PCDHGB1: variants seen among roughly 807,000 people sequenced by gnomAD.
The protein encoded by PCDHGB1 is protocadherin gamma-B1.
PCDHGB1 carries 34 observed loss-of-function variants against 56.6 expected under a neutral mutation model. The ratio of observed to expected loss-of-function variants is 0.60; its 90% CI spans 0.46 to 0.80. The LOEUF is 0.80. PCDHGB1 is among the 30% of genes least tolerant of loss of function. The probability of loss-of-function intolerance (pLI) is 0.00; values close to 1 mark genes in which losing one functional copy is unlikely to be tolerated. For missense variants in PCDHGB1, 1,278 were observed against 1,204.6 expected (o/e 1.06, Z -0.90); for synonymous variants, 561 against 505.9 (o/e 1.11, Z -1.46).
chr5:141,497,540 C>CA (rs1491509812), intron 2 of PCDHGB1, among the ~76,000 whole-genome samples: 7 of 134,922 alleles, frequency 5.2e-5, no homozygotes, highest in Admixed American at 1.5e-4. Flanking sequence ...TGCAACAAAC[C>CA]TTTTTTTTTT....
At chr5:141,393,952 G>C in intron 1 of PCDHGB1, 4 of 1,613,916 alleles carry the variant, frequency 2.5e-6, no homozygotes, top group Non-Finnish European at 3.4e-6. Context: ...GGAAAGAATG[G>C]TCAAGTTGTC....
At chr5:141,401,626 C>G (rs1476531463) in intron 1 of PCDHGB1, among the ~76,000 whole-genome samples, 1 of 152,174 alleles carries the variant, frequency 6.6e-6, no homozygotes, top group Non-Finnish European at 1.5e-5. Flanking sequence ...TTTGTCTTAT[C>G]GTTTGGAGCT....
chr5:141,371,485 C>T, intron 1 of PCDHGB1: 1 of 1,613,980 alleles, frequency 6.2e-7, no homozygotes, highest in South Asian at 1.1e-5. Context: ...GAGCTGGGGA[C>T]TGCCGTTGCC....
At chr5:141,399,670 GCCTTTGACTACGAGCAGCTGCGCA>G (rs758329241) in intron 1 of PCDHGB1, 2 of 1,613,610 alleles carry the variant, frequency 1.2e-6, no homozygotes, top group East Asian at 4.5e-5. Context: ...CGCGCAGCGC[GCCTTTGACTACGAGCAGCTGCGCA>G]CCTTCGAACT....
chr5:141,382,128 C>T (rs1777984217), intron 1 of PCDHGB1, among the ~76,000 whole-genome samples: 3 of 152,026 alleles, frequency 2.0e-5, no homozygotes. Context: ...GCACCTGGCC[C>T]CCCCTCTCAT....
chr5:141,366,765 T>C (rs373961637), intron 1 of PCDHGB1: 83 of 1,604,590 alleles, frequency 5.2e-5, no homozygotes, highest in Non-Finnish European at 6.9e-5. Flanking sequence ...AGTTTTCTCT[T>C]TCGGTAAGGA....
At position 141,489,786 on chromosome 5, in the gene PCDHGB1, G is replaced by A. The variant is rs758119518; in HGVS notation, c.2410-5021G>A. 8.7e-6 allele frequency: 14 copies of A among 1,614,194 alleles called. No individual in the cohort carries two copies. Among genetic ancestry groups the A allele is most frequent in the Non-Finnish European group, 1.2e-5 (14 of 1,180,014 alleles). ...CCAACAGCCACTTCTCTCTGAATGTGAAGACCCTAAAAGATGGGAAGCCAT... is the reference window on the plus strand; with the variant it reads ...CCAACAGCCACTTCTCTCTGAATGTAAAGACCCTAAAAGATGGGAAGCCAT... On this transcript the variant is annotated intron_variant, in intron 1 of 3. Transcript: ENST00000523390. This position sits in a 1 kb window ranked among gnomAD's most constrained non-coding sequence, Gnocchi z 4.5.
intron 1 of PCDHGB1, among the ~76,000 whole-genome samples, chr5:141,429,369 G>A (rs1368624471): frequency 6.7e-6 from 1 of 148,994 alleles, no homozygotes; most frequent in Non-Finnish European, 1.5e-5. Context: ...AGAAAATGGA[G>A]AAAATGTGTT....
At position 141,402,884 on chromosome 5, in the gene PCDHGB1, T is replaced by C. The variant is rs73792196; in HGVS notation, c.2409+50215T>C. Reference sequence around the variant, plus strand: ...GAAAAGATCACCATACTTTGCAGGGTGGAAGAAAGAACCTGATGAAGCAGC... The same window carrying C: ...GAAAAGATCACCATACTTTGCAGGGCGGAAGAAAGAACCTGATGAAGCAGC... On this transcript the variant is annotated intron_variant, in intron 1 of 3. Transcript: ENST00000523390. The C allele has an allele frequency of 1.4e-3, 2,074 of 1,481,580 alleles. 26 individuals carry two copies. The African/African-American group carries it at 0.026, about 18-fold the overall frequency. The allele number at this position is 1,481,580 out of a possible 1,614,324, so 91.8% of individuals were successfully genotyped here.
intron 1 of PCDHGB1, chr5:141,415,955 G>A: frequency 8.5e-6 from 4 of 472,662 alleles, no homozygotes; most frequent in Non-Finnish European, 1.3e-5. Context: ...GTCACATATT[G>A]AAACTCCAGC....
At chr5:141,404,707 C>G in intron 1 of PCDHGB1, 1 of 1,614,122 alleles carries the variant, frequency 6.2e-7, no homozygotes, top group Non-Finnish European at 8.5e-7. Context: ...CAGAGCCTGG[C>G]TACCTGGTGA....
rs925541311 is a variant in PCDHGB1 at position 141,431,452 on chromosome 5, G to C, written c.2410-63355G>C. 11 of 1,613,630 alleles carry C rather than the reference G, an allele frequency of 6.8e-6. No individual in the cohort carries two copies. The highest frequency in any genetic ancestry group is 9.3e-6 in the Non-Finnish European group (11 of 1,179,982). On this transcript the variant is annotated intron_variant, in intron 1 of 3. Transcript: ENST00000523390. The surrounding 1 kb of genome is among the most constrained non-coding windows in gnomAD (Gnocchi z 4.8). ...CAGGCACCGCGCGCATCCGCGTGAT[G>C]GTTCTGGATGCGAACGACAACGCAC...
At chr5:141,418,357 G>T (rs375883635) in intron 1 of PCDHGB1, 2 of 1,613,864 alleles carry the variant, frequency 1.2e-6, no homozygotes, top group African/African-American at 2.7e-5. Flanking sequence ...GTATGAATTC[G>T]CTGAGCAAAT....
intron 1 of PCDHGB1, chr5:141,411,324 C>T (rs1171274674): frequency 1.3e-5 from 2 of 152,166 alleles, no homozygotes; most frequent in Admixed American, 6.5e-5. Context: ...AATCACAGCA[C>T]TTTGATAGGC....
Position 141,511,151 on chromosome 5 carries a change from C to G in PCDHGB1, c.2762C>G (p.Ser921Trp). The change falls in exon 4 of 4, where the codon TCG becomes TGG. Residue 921 changes from serine (S) to tryptophan (W), a missense_variant. Transcript: ENST00000523390. ...PAGGNGNKKK[S>W]GKKEKK ...GGTGGCAATGGCAACAAGAAGAAGTCGGGCAAGAAGGAGAAGAAGTAACAT... is the reference window on the plus strand; with the variant it reads ...GGTGGCAATGGCAACAAGAAGAAGTGGGGCAAGAAGGAGAAGAAGTAACAT... The G allele has an allele frequency of 6.2e-7, 1 of 1,614,152 alleles. No individual in the cohort carries two copies. Among genetic ancestry groups the G allele is most frequent in the Non-Finnish European group, 8.5e-7 (1 of 1,179,994 alleles).
Position 141,405,224 on chromosome 5 carries a change from T to C in PCDHGB1, c.2409+52555T>C, listed in dbSNP as rs542102197. Reference sequence around the variant, plus strand: ...CCTACAGACCTATTCTCAGGAGTTCTCCCTCACCGCTGACTCAAGGAAGAG... The same window carrying C: ...CCTACAGACCTATTCTCAGGAGTTCCCCCTCACCGCTGACTCAAGGAAGAG... On this transcript the variant is annotated intron_variant, in intron 1 of 3. Coordinates refer to ENST00000523390, the MANE Select transcript of PCDHGB1 (RefSeq NM_018922.3). The C allele has an allele frequency of 2.6e-5, 42 of 1,614,036 alleles. No homozygotes were observed. The African/African-American group carries it at 4.7e-4, about 18-fold the overall frequency.
At chr5:141,388,376 C>A in intron 1 of PCDHGB1, 1 of 1,613,944 alleles carries the variant, frequency 6.2e-7, no homozygotes, top group Non-Finnish European at 8.5e-7. Context: ...ATATTGGTAG[C>A]AACACACTGC....
At chr5:141,419,939 G>GTGGCCT (rs780963377) in intron 1 of PCDHGB1, 3 of 1,614,054 alleles carry the variant, frequency 1.9e-6, no homozygotes, top group Admixed American at 1.7e-5. Flanking sequence ...TTACCTGGTG[G>GTGGCCT]TGGCCTTGGC....
chr5:141,467,295 C>T (rs2099141170), intron 1 of PCDHGB1, among the ~76,000 whole-genome samples: 1 of 152,114 alleles, frequency 6.6e-6, no homozygotes, highest in South Asian at 2.1e-4. Flanking sequence ...TCAAGTGATC[C>T]ACTCACCTCG....
Sources: allele counts gnomAD v4.1 joint callset (sites outside exome capture counted in the v4.1 genomes callset), GRCh38; gene constraint gnomAD v4.1.1; non-coding constraint Gnocchi (gnomAD v3.1); transcripts MANE v1.5; gene names NCBI Gene and HGNC (gene_info 2026-07-23, HGNC 2026-07-21).